The following ANO3 variants were observed in gnomAD, a reference collection of about 807,000 sequenced individuals.
ANO3 encodes the protein anoctamin-3.
ANO3 carries 99 observed loss-of-function variants against 144.8 expected under a neutral mutation model. The observed-to-expected ratio is 0.68, with a 90% CI of 0.58 to 0.81. ANO3 has a LOEUF of 0.81. Ranked by LOEUF, ANO3 falls within the 30% of genes least tolerant of loss-of-function variation. ANO3 has a pLI of 0.00. For missense variants in ANO3, 905 were observed against 1,202.2 expected, an observed-to-expected ratio of 0.75 and a Z score of 3.66; for synonymous variants, 414 against 392.6, an observed-to-expected ratio of 1.05 and a Z score of -0.64.
intron 1 of ANO3, among the ~76,000 whole-genome samples, chr11:26,401,500 T>C (rs1230342133): frequency 6.6e-6 from 1 of 152,004 alleles, no homozygotes; most frequent in Non-Finnish European, 1.5e-5. Flanking sequence ...TTGCATAGTG[T>C]CCAAGCGAGA....
chr11:26,467,549 TG>T (rs1341325328), intron 4 of ANO3, among the ~76,000 whole-genome samples: 1 of 151,982 alleles, frequency 6.6e-6, no homozygotes, highest in Non-Finnish European at 1.5e-5. Context: ...TTTCTGTGCC[TG>T]ACTGATTTCC....
At chr11:26,445,895 G>C (rs1014263806) in intron 3 of ANO3, among the ~76,000 whole-genome samples, 2 of 151,812 alleles carry the variant, frequency 1.3e-5, no homozygotes, top group African/African-American at 2.4e-5. Context: ...GCAGTGGTGC[G>C]ATCTCAGCTC....
At position 26,602,038 on chromosome 11, in the gene ANO3, C is replaced by T. The variant is rs141939003; in HGVS notation, c.1836+2324C>T. Among the ~76,000 whole-genome samples, 68 of 152,154 alleles carry T rather than the reference C, an allele frequency of 4.5e-4. 1 individual carries two copies. In the East Asian group the frequency reaches 0.013, roughly 29 times the overall value. On this transcript the variant is annotated intron_variant, in intron 17 of 26. Coordinates refer to ENST00000256737, the MANE Select transcript of ANO3 (RefSeq NM_031418.4). ...GGTGAGAAAAAGGTCATCTATTGCA[C>T]GTGAAATGGGATGGTACGTTTTATG...
At chr11:26,504,022 G>A (rs893046627) in intron 4 of ANO3, among the ~76,000 whole-genome samples, 12 of 152,066 alleles carry the variant, frequency 7.9e-5, no homozygotes, top group African/African-American at 2.4e-4. Flanking sequence ...TCCGTTTACC[G>A]CACTGGGAGA....
chr11:26,407,172 A>G lies in ANO3; in HGVS notation c.47-34746A>G, dbSNP rs909403475. On this transcript the variant is annotated intron_variant, in intron 1 of 26. Coordinates refer to ENST00000256737, the MANE Select transcript of ANO3 (RefSeq NM_031418.4). ...CATTGCACATTGATTGGAAAACACA[A>G]AACAATCATTTCTAAAATCAAGTGT... Among the ~76,000 whole-genome samples, 4 of 150,130 alleles carry G rather than the reference A, an allele frequency of 2.7e-5. No homozygotes were observed. In the East Asian group the frequency reaches 5.9e-4, roughly 22 times the overall value.
chr11:26,322,900 T>A (rs1854795807), intron 1 of ANO3, among the ~76,000 whole-genome samples: 1 of 152,162 alleles, frequency 6.6e-6, no homozygotes, highest in Non-Finnish European at 1.5e-5. Context: ...TTGTTCTGCA[T>A]GGGACATTTG....
intron 1 of ANO3, among the ~76,000 whole-genome samples, chr11:26,248,011 G>A (rs990194199): frequency 1.1e-4 from 17 of 151,876 alleles, no homozygotes; most frequent in Admixed American, 9.2e-4. Context: ...GATTACAGGC[G>A]TGAGCCAACA....
At chr11:26,601,432 C>G (rs914838731) in intron 17 of ANO3, among the ~76,000 whole-genome samples, 1 of 152,018 alleles carries the variant, frequency 6.6e-6, no homozygotes, top group Non-Finnish European at 1.5e-5. Context: ...TTGCTTTGCT[C>G]GGGTCCAGTT....
At chr11:26,564,503 G>C (rs183401766) in intron 14 of ANO3, among the ~76,000 whole-genome samples, 4 of 149,724 alleles carry the variant, frequency 2.7e-5, no homozygotes, top group East Asian at 2.0e-4. Flanking sequence ...TTAAAACTTA[G>C]TTATTTTTTT....
chr11:26,655,560 A>G (rs1853658459), intron 24 of ANO3, among the ~76,000 whole-genome samples: 1 of 152,106 alleles, frequency 6.6e-6, no homozygotes, highest in African/African-American at 2.4e-5. Flanking sequence ...AACATTCTAT[A>G]CAATCTACTT....
intron 1 of ANO3, among the ~76,000 whole-genome samples, chr11:26,321,242 T>C (rs183587355): frequency 6.6e-6 from 1 of 152,186 alleles, no homozygotes; most frequent in Admixed American, 6.6e-5. Flanking sequence ...TTTAACTTTT[T>C]ACTTTTTCTT....
chr11:26,457,226 T>TA lies in ANO3; in HGVS notation c.314-5797dup, dbSNP rs1337381191. On this transcript the variant is annotated intron_variant, in intron 3 of 26. Coordinates refer to ENST00000256737, the MANE Select transcript of ANO3 (RefSeq NM_031418.4). ...CGTACCCTAAAACTTAAGGTATAATTAAAAAAAGAAATAAAAAAAAAACCT... is the reference window on the plus strand; with the variant it reads ...CGTACCCTAAAACTTAAGGTATAATTAAAAAAAAGAAATAAAAAAAAAACCT... Among the ~76,000 whole-genome samples, 193 of 56,576 alleles carry TA rather than the reference T, an allele frequency of 3.4e-3. 1 individual carries two copies. The highest frequency in any genetic ancestry group is 9.6e-3 in the African/African-American group (187 of 19,464). 37.1% of individuals were successfully genotyped at this position (56,576 alleles called of 152,430 possible). A position where few individuals can be genotyped will look rare whatever the true frequency, so the allele number is the denominator to read the frequency against.
intron 1 of ANO3, among the ~76,000 whole-genome samples, chr11:26,230,860 T>G (rs997449023): frequency 6.7e-6 from 1 of 149,930 alleles, no homozygotes; most frequent in Non-Finnish European, 1.5e-5. Flanking sequence ...TACAAAAAGT[T>G]TTCTGGTTCT....
At chr11:26,647,142 A>G (rs984207224) in intron 23 of ANO3, among the ~76,000 whole-genome samples, 4 of 152,202 alleles carry the variant, frequency 2.6e-5, no homozygotes, top group African/African-American at 9.6e-5. Context: ...CTAGTTCTAT[A>G]TACTATACAT....
intron 3 of ANO3, among the ~76,000 whole-genome samples, chr11:26,447,072 G>A (rs1336452729): frequency 4.6e-5 from 7 of 151,816 alleles, no homozygotes; most frequent in Non-Finnish European, 2.9e-5. Flanking sequence ...AGTCAAGCAC[G>A]GTGGCACGAC....
rs551431751 is a variant in ANO3 at position 26,313,356 on chromosome 11, C to T, written c.-3+3637C>T. ...ATCAATATTAAATTAGGTGCAGTAA[C>T]GTAATTTCTTAGAGTCTCTTAATTT... On this transcript the variant is annotated intron_variant, in intron 1 of 26. Transcript: ENST00000525139. Among the ~76,000 whole-genome samples the T allele has an allele frequency of 9.2e-5, 14 of 152,090 alleles. No homozygotes were observed. The East Asian group carries it at 1.2e-3, about 13-fold the overall frequency.
Position 26,599,680 on chromosome 11 carries a change from G to C in ANO3, c.1802G>C (p.Cys601Ser), listed in dbSNP as rs1590614277. Residue 601 changes from cysteine (C) to serine (S), a missense_variant, in exon 17 of 27, where the codon TGT (cysteine) becomes TCT (serine). Transcript: ENST00000256737. Reference sequence around the variant, plus strand: ...TTTGCAACATCTGCTGCTGCTGTCTGTATCAATTTCATAATCATTATGTTG... The same window carrying C: ...TTTGCAACATCTGCTGCTGCTGTCTCTATCAATTTCATAATCATTATGTTG... ...WQFATSAAAV[C>S]INFIIIMLLN... is the part of the protein sequence containing the mutation. 6.2e-7 allele frequency: 1 copy of C among 1,613,852 alleles called. No individual in the cohort carries two copies.
intron 1 of ANO3, among the ~76,000 whole-genome samples, chr11:26,441,092 CT>C (rs1349341410): frequency 6.8e-6 from 1 of 147,528 alleles, no homozygotes. Context: ...GTCTTGATCC[CT>C]GCTTGCTGCC....
At chr11:26,656,066 A>C (rs1007527855) in intron 24 of ANO3, 59 bp from the exon 25 acceptor site, 20 of 1,331,104 alleles carry the variant, frequency 1.5e-5, no homozygotes, top group Non-Finnish European at 1.9e-5. Context: ...TTGTAATAAA[A>C]TAATTAGGCT....
Sources: gnomAD v4.1 joint callset for allele counts (sites outside exome capture counted in the v4.1 genomes callset) on GRCh38, gnomAD v4.1.1 for gene constraint, MANE v1.5 for transcripts, NCBI Gene and HGNC (gene_info 2026-07-23, HGNC 2026-07-21) for gene names.